The following SLC39A11 variants were observed in gnomAD, a reference collection of about 807,000 sequenced individuals.
The protein encoded by SLC39A11 is solute carrier family 39 member 11, also known as zinc transporter ZIP11.
In SLC39A11, 33 loss-of-function variants were observed where a neutral mutation model predicts 36.1. That is an observed-to-expected ratio of 0.91 (90% CI 0.69 to 1.22). SLC39A11 has a LOEUF of 1.22. SLC39A11 is among the 50% of genes most tolerant of loss of function. The pLI is 0.00. For missense variants in SLC39A11, 432 were observed against 430.3 expected, an observed-to-expected ratio of 1.00 and a Z score of -0.03; for synonymous variants, 166 against 170.3, an observed-to-expected ratio of 0.97 and a Z score of 0.20.
intron 5 of SLC39A11, among the ~76,000 whole-genome samples, chr17:72,929,537 G>A (rs958260251): frequency 1.3e-5 from 2 of 152,110 alleles, no homozygotes; most frequent in African/African-American, 4.8e-5. Flanking sequence ...CACAGGCATC[G>A]CTGCAGCCTT....
At chr17:73,037,802 C>G (rs1052983715) in intron 3 of SLC39A11, among the ~76,000 whole-genome samples, 3 of 152,224 alleles carry the variant, frequency 2.0e-5, no homozygotes, top group Non-Finnish European at 4.4e-5. Flanking sequence ...CCCACCCAAT[C>G]GAATGAAGCC....
At chr17:72,647,895 T>A (rs1189807485) in intron 9 of SLC39A11, among the ~76,000 whole-genome samples, 1 of 152,190 alleles carries the variant, frequency 6.6e-6, no homozygotes, top group East Asian at 1.9e-4. Context: ...GTGGGGAAAC[T>A]GAGGCAAAGA....
At chr17:72,985,416 T>TTTTTTTG (rs1568071345) in intron 4 of SLC39A11, among the ~76,000 whole-genome samples, 1 of 138,096 alleles carries the variant, frequency 7.2e-6, no homozygotes, top group East Asian at 2.0e-4. Context: ...CCTTTTTTTT[T>TTTTTTTG]TTTTTTTTTT....
rs2069599471 is a variant in SLC39A11, at chr17:72,647,244, AGGT to A, written c.*337_*339del. 2.0e-5 allele frequency: 4 copies of A among 200,252 alleles called. No homozygotes were observed. In the South Asian group the frequency reaches 3.6e-4, roughly 18 times the overall value. The allele number at this position is 200,252 out of a possible 1,614,324, so 12.4% of individuals were successfully genotyped here. The stretch of plus-strand genomic sequence containing the variant: ...ACGTCTTTTGGTAGCTCGCTTCTAT[AGGT>A]GACCTTGAGGAGTTGGGAGGCAGAT... On this transcript the variant is annotated 3_prime_UTR_variant, in exon 10 of 10. Transcript: ENST00000255559.
At chr17:72,873,129 C>A (rs541946294) in intron 5 of SLC39A11, among the ~76,000 whole-genome samples, 2 of 151,348 alleles carry the variant, frequency 1.3e-5, no homozygotes, top group African/African-American at 4.9e-5. Context: ...AGATCTATAA[C>A]CTCCCCAGTT....
chr17:72,702,237 G>T (rs1474063726), intron 7 of SLC39A11, among the ~76,000 whole-genome samples: 1 of 152,208 alleles, frequency 6.6e-6, no homozygotes, highest in Non-Finnish European at 1.5e-5. Flanking sequence ...TGAGTCCAAA[G>T]ATAGGAGGCT....
Position 72,783,303 on chromosome 17 carries a change from T to C in SLC39A11, c.602-46584A>G, listed in dbSNP as rs79075758. Among the ~76,000 whole-genome samples, 313 of 152,312 alleles carry C rather than the reference T, an allele frequency of 2.1e-3. 2 individuals carry two copies. The East Asian group carries it at 0.024, about 12-fold the overall frequency. On this transcript the variant is annotated intron_variant, in intron 6 of 9. Coordinates refer to ENST00000255559, the MANE Select transcript of SLC39A11 (RefSeq NM_139177.4). The stretch of plus-strand genomic sequence containing the variant: ...GAGCCACCCAGTGTATGGCACTTTG[T>C]TATAGAAGCTGTAACAGACTGAGAC...
chr17:72,958,255 A>G lies in SLC39A11; in HGVS notation c.307-10380T>C, dbSNP rs377331074. Reference sequence around the variant, plus strand: ...CACTTTAAGATGTGAAACTATAAAAATTCTAGAAGATAACATTGGAAAAAC... The same window carrying G: ...CACTTTAAGATGTGAAACTATAAAAGTTCTAGAAGATAACATTGGAAAAAC... On this transcript the variant is annotated intron_variant, in intron 4 of 9. Transcript: ENST00000255559. Among the ~76,000 whole-genome samples the G allele has an allele frequency of 5.3e-5, 8 of 152,374 alleles. No homozygotes were observed. In the East Asian group the frequency reaches 1.2e-3, roughly 22 times the overall value.
At chr17:72,764,165 CT>C (rs1175886384) in intron 6 of SLC39A11, among the ~76,000 whole-genome samples, 1 of 152,148 alleles carries the variant, frequency 6.6e-6, no homozygotes, top group African/African-American at 2.4e-5. Flanking sequence ...CAGCCTGTCT[CT>C]TCCCGGGCCT....
chr17:72,849,614 G>A lies in SLC39A11; in HGVS notation c.601+20C>T, dbSNP rs747610696. On this transcript the variant is annotated intron_variant, in intron 6 of 9. Transcript: ENST00000255559. ...TTTACCTTCAGGCAGTGGCTGTCAC[G>A]CTCACGGGCAAGACCTCACCTGGAA... is the stretch of plus-strand genomic sequence containing the variant. 4.8e-6 allele frequency: 7 copies of A among 1,459,226 alleles called. No individual in the cohort carries two copies. The highest frequency in any genetic ancestry group is 2.5e-5 in the East Asian group (1 of 39,816). The allele number at this position is 1,459,226 out of a possible 1,614,324, so 90.4% of individuals were successfully genotyped here.
chr17:72,918,141 G>C (rs11871427), intron 5 of SLC39A11, among the ~76,000 whole-genome samples: 1 of 152,174 alleles, frequency 6.6e-6, no homozygotes, highest in African/African-American at 2.4e-5. Context: ...AGGCGTGGTG[G>C]CTCACGCCTG....
chr17:73,077,495 T>A (rs2060362844), intron 3 of SLC39A11, among the ~76,000 whole-genome samples: 2 of 152,188 alleles, frequency 1.3e-5, no homozygotes, highest in Non-Finnish European at 2.9e-5. Context: ...TTTTTGGTTT[T>A]CTTTTGTTTT....
intron 5 of SLC39A11, among the ~76,000 whole-genome samples, chr17:72,888,790 T>C (rs975625001): frequency 6.6e-6 from 1 of 152,026 alleles, no homozygotes; most frequent in African/African-American, 2.4e-5. Context: ...TAGTCTCAGC[T>C]ACTTGGGAGG....
chr17:72,956,841 C>A (rs1176388382), intron 4 of SLC39A11, among the ~76,000 whole-genome samples: 1 of 152,140 alleles, frequency 6.6e-6, no homozygotes, highest in Non-Finnish European at 1.5e-5. Flanking sequence ...ATGTATCGCA[C>A]AACTATTGCT....
intron 6 of SLC39A11, among the ~76,000 whole-genome samples, chr17:72,791,540 C>T (rs2076703923): frequency 6.6e-6 from 1 of 152,144 alleles, no homozygotes; most frequent in African/African-American, 2.4e-5. Flanking sequence ...CACAGTGCTT[C>T]CTGTGTGTAG....
intron 4 of SLC39A11, among the ~76,000 whole-genome samples, chr17:72,958,866 G>GA (rs1352681278): frequency 0.074 from 7,011 of 95,334 alleles, 186 homozygotes; most frequent in Non-Finnish European, 0.1. Context: ...AAAGAAAAAA[G>GA]AAAAAAAAAA....
chr17:72,693,811 C>G (rs1310905849), intron 7 of SLC39A11, among the ~76,000 whole-genome samples: 2 of 152,160 alleles, frequency 1.3e-5, no homozygotes, highest in Non-Finnish European at 2.9e-5. Context: ...TACAGGCGCC[C>G]ACCACCACGC....
chr17:72,968,912 T>G (rs1312243380), intron 4 of SLC39A11, among the ~76,000 whole-genome samples: 1 of 152,122 alleles, frequency 6.6e-6, no homozygotes, highest in African/African-American at 2.4e-5. Flanking sequence ...GCCCTGCGCC[T>G]ACACCGTCCC....
intron 6 of SLC39A11, among the ~76,000 whole-genome samples, chr17:72,769,592 C>T (rs1383544856): frequency 6.6e-6 from 1 of 151,636 alleles, no homozygotes; most frequent in African/African-American, 2.4e-5. Context: ...GTTGCCAGGC[C>T]AGAGTGGAGT....
Sources: gnomAD v4.1 joint callset for allele counts (sites outside exome capture counted in the v4.1 genomes callset) on GRCh38, gnomAD v4.1.1 for gene constraint, MANE v1.5 for transcripts, NCBI Gene and HGNC (gene_info 2026-07-23, HGNC 2026-07-21) for gene names.